CCDC170: variants seen among roughly 807,000 people sequenced by gnomAD.
The protein encoded by CCDC170 is coiled-coil domain-containing protein 170.
Under a neutral mutation model 72.6 loss-of-function variants are expected in CCDC170, and 69 were observed. The ratio of observed to expected loss-of-function variants is 0.95; its 90% CI spans 0.78 to 1.16. The LOEUF (loss-of-function observed/expected upper bound fraction) is 1.16. Among genes scored for constraint, CCDC170 ranks in the 50% most tolerant of loss-of-function variants. CCDC170 has a pLI of 0.00. For missense variants in CCDC170, 852 were observed against 832.5 expected (o/e 1.02, Z -0.29); for synonymous variants, 300 against 303.9 (o/e 0.99, Z 0.13).
chr6:151,610,950 C>T (rs1008951244), intron 9 of CCDC170, among the ~76,000 whole-genome samples: 4 of 152,158 alleles, frequency 2.6e-5, no homozygotes, highest in Admixed American at 2.6e-4. Context: ...TTGATGCAGC[C>T]AGGTCAATAG....
At chr6:151,535,187 A>C (rs968736796) in intron 1 of CCDC170, among the ~76,000 whole-genome samples, 5 of 152,296 alleles carry the variant, frequency 3.3e-5, no homozygotes, top group South Asian at 2.1e-4. Context: ...AACCTGCAAA[A>C]ACTGGGAATT....
chr6:151,502,766 A>T (rs7762963), intron 1 of CCDC170, among the ~76,000 whole-genome samples: 1 of 152,206 alleles, frequency 6.6e-6, no homozygotes, highest in East Asian at 1.9e-4. Context: ...ATTGAGTCTT[A>T]GGCACTCTGT....
intron 1 of CCDC170, among the ~76,000 whole-genome samples, chr6:151,534,266 G>A (rs958374132): frequency 1.4e-4 from 21 of 151,656 alleles, no homozygotes; most frequent in African/African-American, 5.1e-4. Context: ...TGTTGCACAG[G>A]CTGGTCTGGA....
Position 151,603,080 on chromosome 6 carries a change from C to T in CCDC170, c.1710+6503C>T, listed in dbSNP as rs147016913. Among the ~76,000 whole-genome samples, 280 of 152,218 alleles carry T rather than the reference C, an allele frequency of 1.8e-3. 3 individuals carry two copies. Among genetic ancestry groups the T allele is most frequent in the African/African-American group, 6.7e-3 (278 of 41,534 alleles). On this transcript the variant is annotated intron_variant, in intron 9 of 10. Transcript: ENST00000239374. ...CCTCCTAAAGTGCTGGGATTACAGG[C>T]GTGAGACAACATGCCCAGCTGGGTA...
intron 9 of CCDC170, among the ~76,000 whole-genome samples, chr6:151,599,374 G>A (rs1257024672): frequency 1.3e-5 from 2 of 152,158 alleles, no homozygotes; most frequent in East Asian, 1.9e-4. Context: ...TGCTGTCATG[G>A]TATTTGGTAC....
At chr6:151,531,616 G>A (rs772320185) in intron 1 of CCDC170, among the ~76,000 whole-genome samples, 24 of 152,248 alleles carry the variant, frequency 1.6e-4, no homozygotes, top group East Asian at 1.9e-4. Context: ...CAAAATGTCC[G>A]TTATTGCTAT....
intron 5 of CCDC170, among the ~76,000 whole-genome samples, chr6:151,556,470 A>G (rs573175074): frequency 6.6e-6 from 1 of 152,328 alleles, no homozygotes; most frequent in African/African-American, 2.4e-5. Flanking sequence ...AAAATCAAAC[A>G]AACAAACAAA....
chr6:151,592,300 C>T (rs1170946984), intron 7 of CCDC170, among the ~76,000 whole-genome samples: 1 of 152,098 alleles, frequency 6.6e-6, no homozygotes, highest in Non-Finnish European at 1.5e-5. Flanking sequence ...GCGGAGGCTG[C>T]AGTGAGCCAA....
intron 6 of CCDC170, among the ~76,000 whole-genome samples, chr6:151,580,833 A>G (rs1776369280): frequency 1.3e-5 from 2 of 152,298 alleles, no homozygotes; most frequent in Admixed American, 6.5e-5. Context: ...TACCTCAGAG[A>G]CCACTGCGAC....
chr6:151,571,407 T>C (rs562919884), intron 5 of CCDC170, among the ~76,000 whole-genome samples: 1 of 152,236 alleles, frequency 6.6e-6, no homozygotes, highest in African/African-American at 2.4e-5. Context: ...TGTGAATTCA[T>C]GTATTTTGGA....
intron 8 of CCDC170, among the ~76,000 whole-genome samples, chr6:151,593,997 T>G (rs1026113279): frequency 6.6e-6 from 1 of 152,214 alleles, no homozygotes; most frequent in African/African-American, 2.4e-5. Context: ...ATTTGTAAAC[T>G]CAGCTGCACT....
chr6:151,545,779 C>T (rs1782761846), intron 4 of CCDC170, among the ~76,000 whole-genome samples: 1 of 152,060 alleles, frequency 6.6e-6, no homozygotes, highest in African/African-American at 2.4e-5. Context: ...AGACTACAGG[C>T]ATGCACCACC....
In CCDC170 at chr6:151,592,992, G is replaced by T. The variant is rs76780501; in HGVS notation, c.1294-115G>T. ...GGTCAGAGTCCGTGCTCCGTTCCATGCTCTCTGCAAAGGAGAATTACCTGT... is the reference window on the plus strand; with the variant it reads ...GGTCAGAGTCCGTGCTCCGTTCCATTCTCTCTGCAAAGGAGAATTACCTGT... On this transcript the variant is annotated intron_variant, in intron 7 of 10. Transcript: ENST00000239374. 7,934 of 1,134,984 alleles carry T rather than the reference G, an allele frequency of 7.0e-3. 226 individuals carry two copies. The African/African-American group carries it at 0.081, about 12-fold the overall frequency. The allele number at this position is 1,134,984 out of a possible 1,614,324, so 70.3% of individuals were successfully genotyped here. A position where few individuals can be genotyped will look rare whatever the true frequency, so the allele number is the denominator to read the frequency against.
At chr6:151,586,207 A>G (rs372794021) in intron 7 of CCDC170, 118 bp downstream of exon 7, 2 of 999,436 alleles carry the variant, frequency 2.0e-6, no homozygotes. Context: ...TTAATTGGTT[A>G]AGTCAATTTC....
intron 3 of CCDC170, 52 bp from the exon 4 acceptor site, chr6:151,544,520 A>G: frequency 6.5e-7 from 1 of 1,541,556 alleles, no homozygotes; most frequent in Non-Finnish European, 8.9e-7. Context: ...GGTTTGATGA[A>G]TGTTATCTTC....
intron 1 of CCDC170, among the ~76,000 whole-genome samples, chr6:151,513,131 G>T (rs1310837154): frequency 6.6e-6 from 1 of 152,180 alleles, no homozygotes; most frequent in African/African-American, 2.4e-5. Flanking sequence ...CGAATCGCGG[G>T]AGAGTAGTCA....
chr6:151,508,064 A>G (rs1173809185), intron 1 of CCDC170, among the ~76,000 whole-genome samples: 4 of 152,196 alleles, frequency 2.6e-5, no homozygotes, highest in African/African-American at 9.7e-5. Flanking sequence ...ATGAGTATTG[A>G]AATGACATCC....
intron 1 of CCDC170, among the ~76,000 whole-genome samples, chr6:151,517,194 T>C (rs1782247812): frequency 6.6e-6 from 1 of 151,988 alleles, no homozygotes; most frequent in African/African-American, 2.4e-5. Context: ...TAGCCAAGTG[T>C]GGTGGCACAT....
chr6:151,532,989 A>C (rs1372207676), intron 1 of CCDC170, among the ~76,000 whole-genome samples: 2 of 151,470 alleles, frequency 1.3e-5, no homozygotes, highest in South Asian at 2.1e-4. Context: ...GGGCCCTTGC[A>C]TGGCCTTTTT....
Sources: allele counts gnomAD v4.1 joint callset (sites outside exome capture counted in the v4.1 genomes callset), GRCh38; gene constraint gnomAD v4.1.1; transcripts MANE v1.5; gene names NCBI Gene and HGNC (gene_info 2026-07-23, HGNC 2026-07-21).